SH3PXD2B: variants seen among roughly 807,000 people sequenced by gnomAD.
SH3PXD2B encodes the protein SH3 and PX domains 2B.
Under a neutral mutation model 73.1 loss-of-function variants are expected in SH3PXD2B, and 37 were observed. The observed-to-expected ratio is 0.51, with a 90% CI of 0.39 to 0.67. The LOEUF (loss-of-function observed/expected upper bound fraction) is 0.67. Among genes scored for constraint, SH3PXD2B ranks in the 30% least tolerant of loss-of-function variants. The pLI is 0.00. For synonymous variants in SH3PXD2B, 457 were observed against 480.5 expected, an observed-to-expected ratio of 0.95 and a Z score of 0.64; for missense variants, 1,053 against 1,197.8, an observed-to-expected ratio of 0.88 and a Z score of 1.78.
intron 8 of SH3PXD2B, 137 bp downstream of exon 8, chr5:172,358,636 C>A: frequency 1.2e-6 from 1 of 841,688 alleles, no homozygotes. Flanking sequence ...GGTTCACAGG[C>A]CATGGAGCCT....
intron 2 of SH3PXD2B, among the ~76,000 whole-genome samples, chr5:172,419,059 A>G (rs542816618): frequency 6.6e-6 from 1 of 152,192 alleles, no homozygotes; most frequent in Non-Finnish European, 1.5e-5. Flanking sequence ...CAATAAATGC[A>G]CGAGGAAGGC....
chr5:172,343,004 G>A (rs1290659027), intron 12 of SH3PXD2B, among the ~76,000 whole-genome samples: 1 of 152,244 alleles, frequency 6.6e-6, no homozygotes, highest in Non-Finnish European at 1.5e-5. Flanking sequence ...ATCACAGAAG[G>A]AAAATGGTAA....
At chr5:172,434,790 T>TTTTTGTTTTTTTGG (rs1554087280) in intron 1 of SH3PXD2B, among the ~76,000 whole-genome samples, 71 of 150,780 alleles carry the variant, frequency 4.7e-4, no homozygotes, top group African/African-American at 1.6e-3. Context: ...TGGTTTTTTT[T>TTTTTGTTTTTTTGG]TTTTTTTTTT....
At chr5:172,433,311 A>G (rs925425440) in intron 1 of SH3PXD2B, among the ~76,000 whole-genome samples, 2 of 152,096 alleles carry the variant, frequency 1.3e-5, no homozygotes, top group East Asian at 3.9e-4. Flanking sequence ...CTAGCAACAC[A>G]TTTCTCAGAA....
At chr5:172,451,950 G>A (rs914300690) in intron 1 of SH3PXD2B, among the ~76,000 whole-genome samples, 1 of 152,210 alleles carries the variant, frequency 6.6e-6, no homozygotes, top group Non-Finnish European at 1.5e-5. Flanking sequence ...GGCTAGAAGG[G>A]AGAGGGCCTC....
intron 6 of SH3PXD2B, among the ~76,000 whole-genome samples, chr5:172,365,207 AAG>A (rs931371074): frequency 6.6e-6 from 1 of 152,196 alleles, no homozygotes; most frequent in African/African-American, 2.4e-5. Context: ...GATGGTTCAG[AAG>A]ATCGGGCAGG....
chr5:172,392,717 G>A (rs1201644846), intron 4 of SH3PXD2B, among the ~76,000 whole-genome samples: 3 of 152,148 alleles, frequency 2.0e-5, no homozygotes, highest in African/African-American at 4.8e-5. Context: ...CCCAGGAGGC[G>A]GAGGTTGTAG....
At chr5:172,382,002 G>A in intron 5 of SH3PXD2B, 34 bp downstream of exon 5, 1 of 1,554,686 alleles carries the variant, frequency 6.4e-7, no homozygotes, top group East Asian at 2.3e-5. Context: ...AGGGCTGTGG[G>A]GCTCCATCTG....
chr5:172,423,476 A>C (rs553209164), intron 1 of SH3PXD2B, among the ~76,000 whole-genome samples: 1 of 149,638 alleles, frequency 6.7e-6, no homozygotes, highest in Non-Finnish European at 1.5e-5. Context: ...CAATGCATAC[A>C]TAAGTGAAGA....
chr5:172,454,220 T>C, intron 1 of SH3PXD2B, 58 bp downstream of exon 1: 1 of 1,478,660 alleles, frequency 6.8e-7, no homozygotes, highest in South Asian at 1.2e-5. Flanking sequence ...CCGGGGGCCC[T>C]CGGTCGCCCC....
Position 172,334,424 on chromosome 5 carries a change from A to G in SH3PXD2B, c.*3945T>C. 1 of 988,096 alleles carries G rather than the reference A, an allele frequency of 1.0e-6. No homozygotes were observed. The highest frequency in any genetic ancestry group is 1.2e-6 in the Non-Finnish European group (1 of 832,056). The allele number at this position is 988,096 out of a possible 1,614,324, so 61.2% of individuals were successfully genotyped here. ...GCTGCTCTACCTCTCATCAGCCCAC[A>G]GTCTGACACGAGGTCATCTTTGGTC... On this transcript the variant is annotated 3_prime_UTR_variant, in exon 13 of 13. Coordinates refer to ENST00000311601, the MANE Select transcript of SH3PXD2B (RefSeq NM_001017995.3).
At chr5:172,413,242 G>A (rs554204031) in intron 2 of SH3PXD2B, among the ~76,000 whole-genome samples, 13 of 152,226 alleles carry the variant, frequency 8.5e-5, no homozygotes, top group African/African-American at 1.9e-4. Flanking sequence ...TGAACACAAC[G>A]GTGTCCCTGG....
At chr5:172,333,436 G>A (rs1031799595), downstream of SH3PXD2B, 7 of 989,390 alleles carry the variant, frequency 7.1e-6, no homozygotes, top group African/African-American at 5.4e-5. Context: ...TGATCCCGAA[G>A]ATCCCAGGCC....
Position 172,445,738 on chromosome 5 carries a change from A to G in SH3PXD2B, c.75+8540T>C, listed in dbSNP as rs1304315801. 6.6e-6 allele frequency among the ~76,000 whole-genome samples: 1 copy of G among 152,220 alleles called. No homozygotes were observed. The highest frequency in any genetic ancestry group is 1.5e-5 in the Non-Finnish European group (1 of 68,022). On this transcript the variant is annotated intron_variant, in intron 1 of 12. Coordinates refer to ENST00000311601, the MANE Select transcript of SH3PXD2B (RefSeq NM_001017995.3). The surrounding 1 kb of genome is among the most constrained non-coding windows in gnomAD (Gnocchi z 5.2). The stretch of plus-strand genomic sequence containing the variant: ...ACTCTGGCCACCCTCAGCCCTGGGA[A>G]AGCCTGAGACAGGGCTGCAGAAGCA...
chr5:172,446,250 A>G (rs1436462470), intron 1 of SH3PXD2B, among the ~76,000 whole-genome samples: 2 of 152,236 alleles, frequency 1.3e-5, no homozygotes, highest in Non-Finnish European at 2.9e-5. Context: ...CAGGGCCAAC[A>G]GTGAGTGAAT....
intron 7 of SH3PXD2B, among the ~76,000 whole-genome samples, chr5:172,359,171 G>T (rs889797093): frequency 5.9e-5 from 9 of 152,020 alleles, no homozygotes; most frequent in African/African-American, 2.2e-4. Flanking sequence ...TGGATTGCTT[G>T]AGTTCAGGAG....
chr5:172,348,667 C>CTATCTTATCT (rs1757068738), intron 10 of SH3PXD2B, among the ~76,000 whole-genome samples: 1 of 26,276 alleles, frequency 3.8e-5, no homozygotes, highest in Admixed American at 4.6e-4. Flanking sequence ...ATCTATCTAT[C>CTATCTTATCT]TATCTATCTA....
intron 3 of SH3PXD2B, among the ~76,000 whole-genome samples, chr5:172,404,810 GTT>G (rs1477040930): frequency 6.6e-6 from 1 of 152,198 alleles, no homozygotes; most frequent in Non-Finnish European, 1.5e-5. Context: ...GGGTGACAGA[GTT>G]GGTGAGGGGG....
intron 2 of SH3PXD2B, among the ~76,000 whole-genome samples, chr5:172,420,992 C>T (rs995336616): frequency 9.2e-5 from 14 of 152,208 alleles, no homozygotes; most frequent in African/African-American, 2.4e-4. Context: ...CAGTTACATC[C>T]GCGAAAAAAC....
Sources: allele counts gnomAD v4.1 joint callset (sites outside exome capture counted in the v4.1 genomes callset), GRCh38; gene constraint gnomAD v4.1.1; non-coding constraint Gnocchi (gnomAD v3.1); transcripts MANE v1.5; gene names NCBI Gene and HGNC (gene_info 2026-07-23, HGNC 2026-07-21).